The following GPHN variants were observed in gnomAD, a reference collection of about 807,000 sequenced individuals.
GPHN encodes the protein gephyrin.
In GPHN, 17 loss-of-function variants were observed where a neutral mutation model predicts 95.5. The observed-to-expected ratio is 0.18, with a 90% CI of 0.12 to 0.27. The LOEUF (loss-of-function observed/expected upper bound fraction) is 0.27, where lower values mean the gene tolerates loss of function less well. Among genes scored for constraint, GPHN ranks in the 10% least tolerant of loss-of-function variants. The pLI, the probability that GPHN is intolerant of heterozygous loss-of-function variation, is 1.00. For synonymous variants in GPHN, 320 were observed against 322.5 expected (o/e 0.99, Z 0.08); for missense variants, 660 against 978.1 (o/e 0.67, Z 4.34).
chr14:66,840,834 G>A lies in GPHN; in HGVS notation c.294+16268G>A, dbSNP rs111378516. ...GAACATTCCTATTCTATAGTACACT[G>A]GCGTCTGCTCTGTTAATCTTAAAGC... On this transcript the variant is annotated intron_variant, in intron 4 of 22. Transcript: ENST00000478722. Among the ~76,000 whole-genome samples, 462 of 150,856 alleles carry A rather than the reference G, an allele frequency of 3.1e-3. 10 individuals are homozygous for A. The highest frequency in any genetic ancestry group is 0.011 in the African/African-American group (437 of 41,050).
the GPHN span, among the ~76,000 whole-genome samples, chr14:67,656,022 G>C: frequency 6.6e-6 from 1 of 152,140 alleles, no homozygotes; most frequent in Non-Finnish European, 1.5e-5. Context: ...GGAGCAGGTG[G>C]ATCACCTGAA....
the GPHN span, chr14:67,332,908 C>T: frequency 3.7e-6 from 6 of 1,613,826 alleles, no homozygotes; most frequent in Non-Finnish European, 4.2e-6. Flanking sequence ...GGTTAATTAA[C>T]AAACTTGATA....
At chr14:66,889,882 GA>G (rs998598971) in intron 5 of GPHN, among the ~76,000 whole-genome samples, 4 of 149,796 alleles carry the variant, frequency 2.7e-5, no homozygotes, top group Non-Finnish European at 4.5e-5. Context: ...GATAGACTAA[GA>G]AAAAAAAAGA....
chr14:66,744,929 A>G (rs1038505043), intron 2 of GPHN, among the ~76,000 whole-genome samples: 2 of 152,120 alleles, frequency 1.3e-5, no homozygotes, highest in African/African-American at 4.8e-5. Flanking sequence ...CCTGAGGGGT[A>G]AGGAAGATTC....
the GPHN span, among the ~76,000 whole-genome samples, chr14:67,621,338 T>C: frequency 2.0e-3 from 302 of 152,352 alleles, 2 homozygotes; most frequent in Non-Finnish European, 3.4e-3. Flanking sequence ...TTTTCTGTCT[T>C]CAAATTATTT....
At chr14:66,673,154 G>C (rs566902281) in intron 1 of GPHN, among the ~76,000 whole-genome samples, 182 of 152,072 alleles carry the variant, frequency 1.2e-3, no homozygotes, top group African/African-American at 4.3e-3. Flanking sequence ...GTACAGTGGC[G>C]CGATCTCTGC....
the GPHN span, among the ~76,000 whole-genome samples, chr14:67,382,920 T>TGC: frequency 1.3e-5 from 2 of 151,906 alleles, no homozygotes; most frequent in Non-Finnish European, 2.9e-5. Flanking sequence ...TGTGTGTGTG[T>TGC]GTGTGTGTTA....
At chr14:66,902,798 G>A (rs971818389) in intron 5 of GPHN, among the ~76,000 whole-genome samples, 1 of 152,058 alleles carries the variant, frequency 6.6e-6, no homozygotes, top group Non-Finnish European at 1.5e-5. Flanking sequence ...TGTATTCATT[G>A]GGGAGGGTGG....
intron 3 of GPHN, among the ~76,000 whole-genome samples, chr14:66,818,555 A>G (rs564221805): frequency 2.3e-4 from 35 of 152,330 alleles, no homozygotes; most frequent in African/African-American, 7.9e-4. Context: ...TAGTGCTACA[A>G]TGAACATACA....
the GPHN span, chr14:67,691,275 T>A: frequency 2.6e-6 from 4 of 1,527,438 alleles, no homozygotes; most frequent in South Asian, 1.1e-5. Context: ...AGCGTGGAAG[T>A]GGCTAGCCAA....
intron 2 of GPHN, among the ~76,000 whole-genome samples, chr14:66,748,229 G>A (rs2058231601): frequency 6.6e-6 from 1 of 151,954 alleles, no homozygotes; most frequent in Non-Finnish European, 1.5e-5. Flanking sequence ...TTTTACTATA[G>A]TACTTATTAA....
At chr14:67,204,840 A>T in the GPHN span, 2 of 1,614,012 alleles carry the variant, frequency 1.2e-6, no homozygotes, top group Admixed American at 3.3e-5. Context: ...ACATGTATGC[A>T]GGTACAGGCC....
the GPHN span, among the ~76,000 whole-genome samples, chr14:67,713,731 C>T: frequency 1.3e-5 from 2 of 152,146 alleles, no homozygotes; most frequent in South Asian, 2.1e-4. Context: ...GAGGTCCTGA[C>T]GACATGTGTC....
intron 1 of GPHN, among the ~76,000 whole-genome samples, chr14:66,608,367 A>AT (rs1216835082): frequency 6.6e-6 from 1 of 151,626 alleles, no homozygotes; most frequent in Non-Finnish European, 1.5e-5. Context: ...TATGATTTTG[A>AT]TTTTTTTGAA....
chr14:67,608,227 C>A, the GPHN span, among the ~76,000 whole-genome samples: 1 of 151,944 alleles, frequency 6.6e-6, no homozygotes, highest in Non-Finnish European at 1.5e-5. Context: ...CTGGGTGAGA[C>A]CCTGTCTCGA....
At chr14:67,662,914 A>AG in the GPHN span, 1 of 1,282,630 alleles carries the variant, frequency 7.8e-7, no homozygotes, top group South Asian at 2.4e-5. Flanking sequence ...AAAAAAAAAA[A>AG]AAAAAAAGAA....
chr14:67,284,339 C>T, the GPHN span, among the ~76,000 whole-genome samples: 1 of 149,476 alleles, frequency 6.7e-6, no homozygotes, highest in East Asian at 2.0e-4. Flanking sequence ...GGTTCACGCC[C>T]GTATTAGTAG....
chr14:66,938,638 A>C (rs1032682400), intron 8 of GPHN, among the ~76,000 whole-genome samples: 1 of 152,142 alleles, frequency 6.6e-6, no homozygotes, highest in Non-Finnish European at 1.5e-5. Flanking sequence ...TATTCTTTCA[A>C]GTATTAGTAC....
chr14:66,851,032 T>C (rs1480889431), intron 4 of GPHN, among the ~76,000 whole-genome samples: 1 of 152,068 alleles, frequency 6.6e-6, no homozygotes, highest in Non-Finnish European at 1.5e-5. Flanking sequence ...ATATGACATA[T>C]TTAGGAACAA....
Sources: gnomAD v4.1 joint callset for allele counts (sites outside exome capture counted in the v4.1 genomes callset) on GRCh38, gnomAD v4.1.1 for gene constraint, MANE v1.5 for transcripts, NCBI Gene and HGNC (gene_info 2026-07-23, HGNC 2026-07-21) for gene names.